KIF25: variants seen among roughly 807,000 people sequenced by gnomAD.
The protein encoded by KIF25 is kinesin family member 25, also known as kinesin-like protein KIF25.
Under a neutral mutation model 32.9 loss-of-function variants are expected in KIF25, and 19 were observed. The ratio of observed to expected loss-of-function variants is 0.58; its 90% CI spans 0.40 to 0.85. The LOEUF (loss-of-function observed/expected upper bound fraction) is 0.85, where lower values mean the gene tolerates loss of function less well. KIF25 is among the 40% of genes least tolerant of loss of function. The pLI is 0.00. For missense variants in KIF25, 485 were observed against 507.0 expected (o/e 0.96, Z 0.42); for synonymous variants, 225 against 213.7 (o/e 1.05, Z -0.46).
At chr6:168,032,299 C>T (rs1314004575) in intron 7 of KIF25, among the ~76,000 whole-genome samples, 1 of 152,214 alleles carries the variant, frequency 6.6e-6, no homozygotes, top group African/African-American at 2.4e-5. Context: ...CAGCTTCCTT[C>T]TCCGGGAAGT....
At chr6:168,025,780 T>G (rs1341231260) in intron 5 of KIF25, among the ~76,000 whole-genome samples, 1 of 152,156 alleles carries the variant, frequency 6.6e-6, no homozygotes. Flanking sequence ...TAGGGTCGGA[T>G]TAGGAATAAA....
chr6:168,017,839 A>G (rs1314025433), intron 4 of KIF25, 134 bp from the exon 5 acceptor site: 1 of 152,268 alleles, frequency 6.6e-6, no homozygotes, highest in Non-Finnish European at 1.5e-5. Flanking sequence ...CAGTCTGTAA[A>G]CAAAGGACGG....
chr6:168,014,622 A>G (rs1048246395), intron 4 of KIF25, among the ~76,000 whole-genome samples: 3 of 152,110 alleles, frequency 2.0e-5, no homozygotes, highest in Admixed American at 6.5e-5. Context: ...GTCTAAAGAG[A>G]GTTTGAGTTT....
chr6:168,012,332 G>A (rs1334184422), intron 4 of KIF25, among the ~76,000 whole-genome samples: 1 of 152,170 alleles, frequency 6.6e-6, no homozygotes, highest in East Asian at 1.9e-4. Flanking sequence ...TTATGGAGTA[G>A]GTTTCAGGAG....
chr6:168,018,794 G>A (rs1243504535), intron 5 of KIF25, among the ~76,000 whole-genome samples: 1 of 152,204 alleles, frequency 6.6e-6, no homozygotes, highest in Non-Finnish European at 1.5e-5. Context: ...TCGGAAGGAC[G>A]TCAGTGCCTG....
intron 4 of KIF25, among the ~76,000 whole-genome samples, chr6:168,009,551 G>T (rs1371844918): frequency 3.9e-5 from 6 of 152,062 alleles, no homozygotes; most frequent in Admixed American, 1.3e-4. Context: ...TTTTGTCATT[G>T]TCTGGTTTTG....
At position 168,042,557 on chromosome 6, in the gene KIF25, C is replaced by T. The variant is rs998748492; in HGVS notation, c.830-4C>T. The T allele has an allele frequency of 1.2e-6, 2 of 1,612,480 alleles. No individual in the cohort carries two copies. The highest frequency in any genetic ancestry group is 1.3e-5 in the African/African-American group (1 of 74,906). On this transcript the variant is annotated splice_region_variant and splice_polypyrimidine_tract_variant and intron_variant, in intron 11 of 12. Coordinates refer to ENST00000643607, the MANE Select transcript of KIF25 (RefSeq NM_030615.4). ...CGGTGATGGTGCGTGGCGGTCCTGT[C>T]CAGGTGTGTCTGGAGTGACCGGGTT...
intron 5 of KIF25, among the ~76,000 whole-genome samples, chr6:168,023,533 G>C (rs562440353): frequency 1.3e-5 from 2 of 152,074 alleles, no homozygotes; most frequent in Admixed American, 1.3e-4. Flanking sequence ...CTCCCAAAGT[G>C]CTGAGATTAC....
At chr6:168,027,845 G>A (rs1798885435) in intron 5 of KIF25, among the ~76,000 whole-genome samples, 1 of 152,146 alleles carries the variant, frequency 6.6e-6, no homozygotes, top group African/African-American at 2.4e-5. Flanking sequence ...CTTTTTTTCT[G>A]TGCATTCTTC....
At chr6:168,037,063 GATAA>G (rs991446808) in intron 8 of KIF25, among the ~76,000 whole-genome samples, 1 of 152,082 alleles carries the variant, frequency 6.6e-6, no homozygotes, top group Admixed American at 6.6e-5. Flanking sequence ...CTTTGTCTCA[GATAA>G]ATAAATAAAT....
intron 5 of KIF25, among the ~76,000 whole-genome samples, chr6:168,021,850 C>T (rs372515776): frequency 2.6e-5 from 4 of 152,192 alleles, no homozygotes; most frequent in Admixed American, 6.5e-5. Context: ...TTAGCCTTTG[C>T]GGTCGTTCAG....
At chr6:168,022,768 GT>G (rs61060025) in intron 5 of KIF25, among the ~76,000 whole-genome samples, 32,649 of 121,382 alleles carry the variant, frequency 0.27, 3,822 homozygotes, top group East Asian at 0.49. Context: ...TGTTGTTGTT[GT>G]TTTTTTTTTT....
Position 168,001,687 on chromosome 6 carries a change from CTCGG to C in KIF25, c.-369-855_-369-852del, listed in dbSNP as rs1562378896. On this transcript the variant is annotated intron_variant, in intron 2 of 12. Coordinates refer to ENST00000643607, the MANE Select transcript of KIF25 (RefSeq NM_030615.4). ...GGTGAGAAGACACCTGAGGCGTGGCCTCGGGCAGGTGAGAAGACACCTGAGGCGT... is the reference window on the plus strand; with the variant it reads ...GGTGAGAAGACACCTGAGGCGTGGCCGCAGGTGAGAAGACACCTGAGGCGT... Among the ~76,000 whole-genome samples, 127 of 127,986 alleles carry C rather than the reference CTCGG, an allele frequency of 9.9e-4. 10 individuals are homozygous for C. Among genetic ancestry groups the C allele is most frequent in the Admixed American group, 1.6e-3 (22 of 13,566 alleles). 84.0% of individuals were successfully genotyped at this position (127,986 alleles called of 152,430 possible).
Position 168,042,008 on chromosome 6 carries a change from CAG to C in KIF25, c.689_690del (p.Glu230GlyfsTer173), listed in dbSNP as rs1264380970. 3.9e-6 allele frequency: 6 copies of C among 1,551,914 alleles called. No homozygotes were observed. The highest frequency in any genetic ancestry group is 2.7e-5 in the African/African-American group (2 of 73,070). Reference sequence around the variant, plus strand: ...AGTGCCACCCTCCCCAGGGAGCAAACAGAGGCAGGAAGGGCAGGAAGGAGCCG... The same window carrying C: ...AGTGCCACCCTCCCCAGGGAGCAAACAGGCAGGAAGGGCAGGAAGGAGCCG... On this transcript the variant is annotated frameshift_variant, in exon 11 of 13. Transcript: ENST00000643607. LOFTEE classifies it high-confidence loss of function.
intron 5 of KIF25, among the ~76,000 whole-genome samples, chr6:168,025,252 CCTT>C (rs2114891671): frequency 6.6e-6 from 1 of 152,258 alleles, no homozygotes; most frequent in East Asian, 1.9e-4. Context: ...GGGAATGTCT[CCTT>C]CGTGATGAAT....
At chr6:168,043,966 G>A (rs1799171647) in intron 12 of KIF25, among the ~76,000 whole-genome samples, 1 of 152,234 alleles carries the variant, frequency 6.6e-6, no homozygotes, top group Non-Finnish European at 1.5e-5. Flanking sequence ...AGGGCCATGG[G>A]CCGTGAGCAG....
intron 3 of KIF25, among the ~76,000 whole-genome samples, chr6:168,003,267 G>A (rs1798531440): frequency 6.6e-6 from 1 of 152,132 alleles, no homozygotes; most frequent in African/African-American, 2.4e-5. Flanking sequence ...AAAAAATCAA[G>A]AGAAGACAAA....
At chr6:168,011,802 T>C (rs568764359) in intron 4 of KIF25, among the ~76,000 whole-genome samples, 1 of 152,330 alleles carries the variant, frequency 6.6e-6, no homozygotes, top group Admixed American at 6.5e-5. Flanking sequence ...GGAATGCCCA[T>C]AATACAAATA....
Position 168,033,952 on chromosome 6 carries a change from T to C in KIF25, c.238T>C (p.Ser80Pro). The C allele has an allele frequency of 3.1e-6, 5 of 1,614,154 alleles. No homozygotes were observed. Among genetic ancestry groups the C allele is most frequent in the Non-Finnish European group, 4.2e-6 (5 of 1,180,024 alleles). ...GAGCTATACCATGCTGGGACGCCAT[T>C]CGGACGACGGCCCTGTTCTGCCGCT... ...GKSYTMLGRHSDDGPVLPLDP... is the reference protein window; with the variant it reads ...GKSYTMLGRHPDDGPVLPLDP... Residue 80 changes from serine to proline, a missense_variant, in exon 8 of 13, where the codon TCG (serine) becomes CCG (proline). By Grantham distance (74) the Ser-to-Pro change is moderately conservative. Coordinates refer to ENST00000643607, the MANE Select transcript of KIF25 (RefSeq NM_030615.4).
Sources: gnomAD v4.1 joint callset for allele counts (sites outside exome capture counted in the v4.1 genomes callset) on GRCh38, gnomAD v4.1.1 for gene constraint, MANE v1.5 for transcripts, NCBI Gene and HGNC (gene_info 2026-07-23, HGNC 2026-07-21) for gene names.